The following MACROH2A1 variants were observed in gnomAD, a reference collection of about 807,000 sequenced individuals.
MACROH2A1 encodes the protein core histone macro-H2A.1.
In MACROH2A1, 2 loss-of-function variants were observed where a neutral mutation model predicts 31.6. The ratio of observed to expected loss-of-function variants is 0.06; its 90% CI spans 0.03 to 0.20. The LOEUF (loss-of-function observed/expected upper bound fraction) is 0.20, where lower values mean the gene tolerates loss of function less well. MACROH2A1 is among the 10% of genes least tolerant of loss of function. The probability of loss-of-function intolerance (pLI) is 1.00; values close to 1 mark genes in which losing one functional copy is unlikely to be tolerated. For missense variants in MACROH2A1, 230 were observed against 474.0 expected (o/e 0.49, Z 4.78); for synonymous variants, 169 against 189.6 (o/e 0.89, Z 0.89).
At chr5:135,353,664 G>A (rs1222065903) in intron 5 of MACROH2A1, 2 of 152,206 alleles carry the variant, frequency 1.3e-5, no homozygotes, top group African/African-American at 4.8e-5. Context: ...TGAAACCCAG[G>A]GGAGGAAGGT....
intron 7 of MACROH2A1, chr5:135,344,376 T>C (rs2039070002): frequency 6.6e-6 from 1 of 152,134 alleles, no homozygotes; most frequent in African/African-American, 2.4e-5. Context: ...TCTGAAACTT[T>C]TTTTTTTTTT....
intron 2 of MACROH2A1, among the ~76,000 whole-genome samples, chr5:135,371,522 T>G (rs1312305578): frequency 2.0e-5 from 3 of 152,234 alleles, no homozygotes; most frequent in African/African-American, 7.2e-5. Flanking sequence ...CTGGGCACAG[T>G]CTCACAAGAC....
At chr5:135,341,101 C>G (rs191951468) in intron 8 of MACROH2A1, among the ~76,000 whole-genome samples, 1 of 152,378 alleles carries the variant, frequency 6.6e-6, no homozygotes, top group Non-Finnish European at 1.5e-5. Flanking sequence ...ATAAAGTTTC[C>G]TATTGCCTCC....
At chr5:135,350,791 C>A (rs751335537) in intron 6 of MACROH2A1, 1 of 1,386,896 alleles carries the variant, frequency 7.2e-7, no homozygotes, top group Non-Finnish European at 1.0e-6. Flanking sequence ...ACCATGCACA[C>A]ACACACTCGG....
chr5:135,343,883 G>A (rs1215817317), intron 7 of MACROH2A1: 1 of 199,790 alleles, frequency 5.0e-6, no homozygotes, highest in Non-Finnish European at 1.0e-5. Flanking sequence ...TCTCTACTAT[G>A]ATGTATTCTC....
intron 8 of MACROH2A1, among the ~76,000 whole-genome samples, chr5:135,341,346 G>GC (rs150822698): frequency 1.7e-5 from 2 of 118,020 alleles, no homozygotes; most frequent in Non-Finnish European, 1.7e-5. Context: ...GGCCAGGGAA[G>GC]GGGGAGGCAA....
rs1480505727 is a variant in MACROH2A1, at chr5:135,389,063, T to A, written c.31A>T (p.Thr11Ser). The A allele has an allele frequency of 5.6e-6, 9 of 1,613,756 alleles. No individual in the cohort carries two copies. In the East Asian group the frequency reaches 2.0e-4, roughly 36 times the overall value. ...GCTTTGGCAGACCTGGACGTCTTGGTGGACTTCTTCTTCCCACCGCGGCTC... is the reference window on the plus strand; with the variant it reads ...GCTTTGGCAGACCTGGACGTCTTGGAGGACTTCTTCTTCCCACCGCGGCTC... The part of the protein sequence containing the change: MSSRGGKKKS[T>S]KTSRSAKAGV... The change falls in exon 2 of 9, where the codon ACC becomes TCC. Residue 11 changes from threonine to serine, a missense_variant. By Grantham distance (58) the Thr-to-Ser change is moderately conservative. This residue lies in a region of MACROH2A1 where 47 missense variants were observed against 154.7 expected (regional missense o/e 0.30). Coordinates refer to ENST00000511689, the MANE Select transcript of MACROH2A1 (RefSeq NM_138610.3).
intron 5 of MACROH2A1, chr5:135,354,488 C>T (rs894397615): frequency 6.5e-6 from 1 of 152,816 alleles, no homozygotes; most frequent in Non-Finnish European, 1.5e-5. Flanking sequence ...AGAAGAGGAC[C>T]AAGTATTATT....
chr5:135,338,495 T>G (rs906854215), intron 8 of MACROH2A1, among the ~76,000 whole-genome samples: 1 of 152,224 alleles, frequency 6.6e-6, no homozygotes, highest in Admixed American at 6.5e-5. Flanking sequence ...GTCCCTGGGA[T>G]AGCTGTGACT....
upstream of MACROH2A1, chr5:135,399,354 C>T (rs1167297168): frequency 6.6e-6 from 1 of 152,238 alleles, no homozygotes; most frequent in Non-Finnish European, 1.5e-5. This position sits in a 1 kb window ranked among gnomAD's most constrained non-coding sequence, Gnocchi z 4.5. Context: ...ACCCCGGGCC[C>T]GCGCCCTACC....
chr5:135,342,276 T>C (rs2149727121), intron 8 of MACROH2A1, among the ~76,000 whole-genome samples: 1 of 152,326 alleles, frequency 6.6e-6, no homozygotes, highest in East Asian at 1.9e-4. Context: ...AGAGCTCCTT[T>C]AATTTCTAGA....
chr5:135,389,915 A>C (rs1361625710), intron 1 of MACROH2A1, among the ~76,000 whole-genome samples: 10 of 152,202 alleles, frequency 6.6e-5, no homozygotes, highest in Non-Finnish European at 1.5e-4. Context: ...TGGGTGGGGC[A>C]ATCTGGGTAC....
chr5:135,379,801 C>G (rs1003689050), intron 2 of MACROH2A1, among the ~76,000 whole-genome samples: 3 of 152,154 alleles, frequency 2.0e-5, no homozygotes, highest in African/African-American at 7.2e-5. Context: ...CGGAGGACAC[C>G]TGGGATGCTG....
intron 2 of MACROH2A1, among the ~76,000 whole-genome samples, chr5:135,372,081 C>G (rs1329594853): frequency 6.6e-6 from 1 of 152,120 alleles, no homozygotes; most frequent in East Asian, 1.9e-4. Flanking sequence ...CTTGAAATAG[C>G]AGGTTTCCCC....
intron 6 of MACROH2A1, among the ~76,000 whole-genome samples, chr5:135,347,857 G>A (rs1347774730): frequency 1.3e-5 from 2 of 152,188 alleles, no homozygotes; most frequent in African/African-American, 4.8e-5. Flanking sequence ...CTGGAGGCTG[G>A]ACTAGTTAGC....
chr5:135,386,026 G>A (rs1766359153), intron 2 of MACROH2A1, among the ~76,000 whole-genome samples: 1 of 152,172 alleles, frequency 6.6e-6, no homozygotes, highest in East Asian at 1.9e-4. Context: ...AGAGGGCCTG[G>A]ACACACTTCC....
At chr5:135,350,771 C>T (rs1477811259) in intron 6 of MACROH2A1, 13 of 1,068,180 alleles carry the variant, frequency 1.2e-5, no homozygotes, top group Admixed American at 3.4e-5. Flanking sequence ...CTGTCTGCAG[C>T]GGCCGACTGA....
chr5:135,399,043 G>T lies in MACROH2A1; in HGVS notation c.-34+19C>A. The T allele has an allele frequency of 6.6e-6, 1 of 150,612 alleles. No individual in the cohort carries two copies. Among genetic ancestry groups the T allele is most frequent in the South Asian group, 1.8e-4 (1 of 5,416 alleles). The allele number at this position is 150,612 out of a possible 1,614,324, so 9.3% of individuals were successfully genotyped here. ...GGCGGGGACAGGGAGTGCGGCAAGG[G>T]GGCCCGCGCGGCACTTACGCGGCGG... On this transcript the variant is annotated intron_variant, in intron 1 of 8. Coordinates refer to ENST00000511689, the MANE Select transcript of MACROH2A1 (RefSeq NM_138610.3). This position sits in a 1 kb window ranked among gnomAD's most constrained non-coding sequence, Gnocchi z 4.5.
intron 2 of MACROH2A1, among the ~76,000 whole-genome samples, chr5:135,382,790 G>T (rs1024665032): frequency 6.6e-5 from 10 of 152,220 alleles, no homozygotes; most frequent in Non-Finnish European, 1.3e-4. Flanking sequence ...TAGTCTGACC[G>T]CTGGCCTTGG....
Sources: allele counts gnomAD v4.1 joint callset (sites outside exome capture counted in the v4.1 genomes callset), GRCh38; gene constraint gnomAD v4.1.1; regional missense constraint gnomAD v4.1.1; non-coding constraint Gnocchi (gnomAD v3.1); transcripts MANE v1.5; gene names NCBI Gene and HGNC (gene_info 2026-07-23, HGNC 2026-07-21).